CADM2: variants seen among roughly 807,000 people sequenced by gnomAD.
CADM2 encodes immunoglobulin superfamily member 4D.
Under a neutral mutation model 49.8 loss-of-function variants are expected in CADM2, and 12 were observed. That is an observed-to-expected ratio of 0.24 (90% confidence interval 0.15 to 0.39). CADM2 has a LOEUF of 0.39. CADM2 is among the 10% of genes least tolerant of loss of function. The pLI is 1.00. For synonymous variants in CADM2, 214 were observed against 175.4 expected (o/e 1.22, Z -1.74); for missense variants, 378 against 492.3 (o/e 0.77, Z 2.20).
intron 1 of CADM2, among the ~76,000 whole-genome samples, chr3:85,295,861 G>A (rs909622008): frequency 6.6e-6 from 1 of 151,394 alleles, no homozygotes; most frequent in Non-Finnish European, 1.5e-5. Flanking sequence ...ACACCAGCAT[G>A]GCACATGTAT....
At chr3:85,081,228 G>A (rs1200422405) in intron 1 of CADM2, among the ~76,000 whole-genome samples, 2 of 152,092 alleles carry the variant, frequency 1.3e-5, no homozygotes, top group African/African-American at 4.8e-5. Flanking sequence ...GTTGGTGTCT[G>A]TTTCATCAGA....
At chr3:85,959,626 C>T (rs1381773178) in intron 7 of CADM2, among the ~76,000 whole-genome samples, 1 of 151,916 alleles carries the variant, frequency 6.6e-6, no homozygotes, top group Non-Finnish European at 1.5e-5. Flanking sequence ...CATATAACAA[C>T]ACTTTGATCA....
intron 1 of CADM2, among the ~76,000 whole-genome samples, chr3:85,107,984 G>A (rs1223793368): frequency 1.3e-5 from 2 of 152,026 alleles, no homozygotes; most frequent in African/African-American, 2.4e-5. Flanking sequence ...TAACAGGTGT[G>A]AGCCTGTTAT....
intron 7 of CADM2, among the ~76,000 whole-genome samples, chr3:85,952,026 G>GAT (rs1289921540): frequency 6.6e-6 from 1 of 150,504 alleles, no homozygotes; most frequent in Non-Finnish European, 1.5e-5. Flanking sequence ...AGGTTTTGAT[G>GAT]ATATATAAGA....
chr3:85,931,326 C>T (rs1720562159), intron 6 of CADM2, among the ~76,000 whole-genome samples: 1 of 152,008 alleles, frequency 6.6e-6, no homozygotes, highest in East Asian at 1.9e-4. Context: ...GTGGTCCCAG[C>T]TACTTACTAG....
At chr3:85,466,753 A>G (rs1409988876) in intron 1 of CADM2, among the ~76,000 whole-genome samples, 4 of 152,190 alleles carry the variant, frequency 2.6e-5, no homozygotes, top group Non-Finnish European at 4.4e-5. Context: ...ACAAAAAAAA[A>G]TTATTACCTT....
intron 3 of CADM2, among the ~76,000 whole-genome samples, chr3:85,877,018 G>A (rs1341167227): frequency 6.6e-6 from 1 of 152,062 alleles, no homozygotes; most frequent in Non-Finnish European, 1.5e-5. Flanking sequence ...CCAGAGTTAA[G>A]TACTATTTAA....
chr3:85,546,882 T>G (rs2061680142), intron 1 of CADM2, among the ~76,000 whole-genome samples: 1 of 152,170 alleles, frequency 6.6e-6, no homozygotes, highest in African/African-American at 2.4e-5. Context: ...TATGCATATA[T>G]AGCAGAGAAA....
At chr3:85,780,849 C>A (rs1003170375) in intron 2 of CADM2, among the ~76,000 whole-genome samples, 1 of 152,092 alleles carries the variant, frequency 6.6e-6, no homozygotes, top group Non-Finnish European at 1.5e-5. Context: ...TCTTTCCATA[C>A]AGACTTTGGG....
intron 1 of CADM2, among the ~76,000 whole-genome samples, chr3:85,476,391 T>C (rs756178591): frequency 6.6e-6 from 1 of 151,902 alleles, no homozygotes; most frequent in Non-Finnish European, 1.5e-5. Flanking sequence ...ACAATACACA[T>C]ATTGAAGAAA....
At chr3:85,967,213 A>G (rs1725588826) in intron 8 of CADM2, among the ~76,000 whole-genome samples, 1 of 151,652 alleles carries the variant, frequency 6.6e-6, no homozygotes, top group Non-Finnish European at 1.5e-5. Flanking sequence ...CTGTAGGTAA[A>G]CACAGGTTCC....
chr3:85,312,948 G>A (rs2044382435), intron 1 of CADM2, among the ~76,000 whole-genome samples: 1 of 152,132 alleles, frequency 6.6e-6, no homozygotes, highest in African/African-American at 2.4e-5. Flanking sequence ...TTATGAAATA[G>A]CTTCAACTGT....
At chr3:85,372,351 ATG>A (rs201344421) in intron 1 of CADM2, among the ~76,000 whole-genome samples, 39 of 149,514 alleles carry the variant, frequency 2.6e-4, no homozygotes, top group African/African-American at 7.2e-4. Flanking sequence ...ATATATATAT[ATG>A]TGTGTGTGTG....
At chr3:85,628,655 A>C in intron 1 of CADM2, among the ~76,000 whole-genome samples, 2 of 147,628 alleles carry the variant, frequency 1.4e-5, no homozygotes, top group African/African-American at 2.5e-5. Flanking sequence ...ACACACACAT[A>C]TGTATATGTG....
intron 1 of CADM2, among the ~76,000 whole-genome samples, chr3:85,217,547 T>G (rs1398295517): frequency 6.6e-6 from 1 of 152,090 alleles, no homozygotes; most frequent in Non-Finnish European, 1.5e-5. Flanking sequence ...ATTTATGTAT[T>G]AAATCTGTGA....
chr3:85,447,939 C>G (rs2037546485), intron 1 of CADM2, among the ~76,000 whole-genome samples: 1 of 152,038 alleles, frequency 6.6e-6, no homozygotes, highest in South Asian at 2.1e-4. Context: ...TATCAGATAT[C>G]CTGACCCTTT....
At chr3:85,141,522 A>G (rs1007020870) in intron 1 of CADM2, among the ~76,000 whole-genome samples, 1 of 152,192 alleles carries the variant, frequency 6.6e-6, no homozygotes, top group African/African-American at 2.4e-5. Flanking sequence ...ATATACTTTG[A>G]CCAAAACTTC....
intron 2 of CADM2, among the ~76,000 whole-genome samples, chr3:85,744,575 G>T (rs1185897703): frequency 6.6e-6 from 1 of 152,090 alleles, no homozygotes; most frequent in Non-Finnish European, 1.5e-5. Context: ...CTCGGGGTAA[G>T]GTCTTAATGA....
At chr3:85,072,034 T>A (rs926065863) in intron 1 of CADM2, among the ~76,000 whole-genome samples, 6 of 151,266 alleles carry the variant, frequency 4.0e-5, no homozygotes. Flanking sequence ...CATAGCATCA[T>A]CTTCAAACCA....
Sources: allele counts gnomAD v4.1 joint callset (sites outside exome capture counted in the v4.1 genomes callset), GRCh38; gene constraint gnomAD v4.1.1; transcripts MANE v1.5; gene names NCBI Gene and HGNC (gene_info 2026-07-23, HGNC 2026-07-21).